The following SMAD6 variants were observed in gnomAD, a reference collection of about 807,000 sequenced individuals.
SMAD6 encodes the protein MAD homolog 6.
In SMAD6, 103 loss-of-function variants were observed where a neutral mutation model predicts 39.4. That is an observed-to-expected ratio of 2.62 (90% CI 2.23 to 3.08). The LOEUF is 3.08. Ranked by LOEUF, SMAD6 falls within the 30% of genes most tolerant of loss-of-function variation. SMAD6 has a pLI of 0.00. For synonymous variants in SMAD6, 445 were observed against 353.3 expected (o/e 1.26, Z -2.91); for missense variants, 1,104 against 742.9 (o/e 1.49, Z -5.65).
Position 66,737,560 on chromosome 15 carries a change from G to C in SMAD6, c.952+21062G>C, listed in dbSNP as rs1031736705. On this transcript the variant is annotated intron_variant, in intron 3 of 3. Coordinates refer to ENST00000288840, the MANE Select transcript of SMAD6 (RefSeq NM_005585.5). ...GAGGAAGGGTTTTGTTGGGTGAGTGGGGTCCCGTCTTTCCTCCTCACCCCA... is the reference window on the plus strand; with the variant it reads ...GAGGAAGGGTTTTGTTGGGTGAGTGCGGTCCCGTCTTTCCTCCTCACCCCA... Among the ~76,000 whole-genome samples, 7 of 152,202 alleles carry C rather than the reference G, an allele frequency of 4.6e-5. No individual in the cohort carries two copies. The South Asian group carries it at 1.0e-3, about 23-fold the overall frequency.
At chr15:66,743,298 CA>C (rs759494957) in intron 3 of SMAD6, among the ~76,000 whole-genome samples, 31 of 152,144 alleles carry the variant, frequency 2.0e-4, no homozygotes, top group Non-Finnish European at 3.8e-4. Flanking sequence ...GCCAGTCTCA[CA>C]AGGCTGACTC....
chr15:66,703,842 T>TG lies in SMAD6; in HGVS notation c.586dup (p.Glu196GlyfsTer107). ...TCGCTGGACACGCTGCTGGAGGCGG[T>TG]GGAGTCCCGCGGCGGCGTGCCGGGC... On this transcript the variant is annotated frameshift_variant, in exon 1 of 4. Transcript: ENST00000288840. LOFTEE classifies it high-confidence loss of function. The TG allele has an allele frequency of 7.2e-7, 1 of 1,383,684 alleles. No individual in the cohort carries two copies. Among genetic ancestry groups the TG allele is most frequent in the Non-Finnish European group, 9.5e-7 (1 of 1,056,922 alleles). 85.7% of individuals were successfully genotyped at this position (1,383,684 alleles called of 1,614,324 possible).
Position 66,704,087 on chromosome 15 carries a change from G to T in SMAD6, c.817+12G>T. The T allele has an allele frequency of 6.9e-7, 1 of 1,455,304 alleles. No individual in the cohort carries two copies. Among genetic ancestry groups the T allele is most frequent in the Non-Finnish European group, 9.0e-7 (1 of 1,110,788 alleles). 90.1% of individuals were successfully genotyped at this position (1,455,304 alleles called of 1,614,324 possible). On this transcript the variant is annotated intron_variant, in intron 1 of 3. Transcript: ENST00000288840. ...GCTCTGCGGGCCCGGTGAGCGCGCT[G>T]CGCCGGCCGGGGGGGCCCCGGGTCC...
Position 66,716,437 on chromosome 15 carries a change from A to G in SMAD6, c.891A>G (p.Thr297=), listed in dbSNP as rs759799681. 9.9e-6 allele frequency: 16 copies of G among 1,613,232 alleles called. No homozygotes were observed. The highest frequency in any genetic ancestry group is 6.7e-5 in the African/African-American group (5 of 74,900). Residue 297 remains threonine (T), a synonymous_variant, in exon 3 of 4, where the codon ACA becomes ACG. Coordinates refer to ENST00000288840, the MANE Select transcript of SMAD6 (RefSeq NM_005585.5). ...EYKPLDLSDS[T]LSYTETEATN... ...CTCCCACAGATCTGTCCGATTCCAC[A>G]TTGTCTTACACTGAAACGGAGGCTA...
chr15:66,744,970 A>T (rs1274692473), intron 3 of SMAD6, among the ~76,000 whole-genome samples: 1 of 152,148 alleles, frequency 6.6e-6, no homozygotes, highest in Non-Finnish European at 1.5e-5. Flanking sequence ...GCCTGTGGTC[A>T]AGATGGGGAC....
At chr15:66,716,866 T>C (rs1293371483) in intron 3 of SMAD6, 1 of 624,364 alleles carries the variant, frequency 1.6e-6, no homozygotes, top group African/African-American at 1.9e-5. Context: ...ACATTTGTCT[T>C]CCTCCTGTCC....
At chr15:66,773,506 T>G (rs1298765020) in intron 3 of SMAD6, among the ~76,000 whole-genome samples, 1 of 152,188 alleles carries the variant, frequency 6.6e-6, no homozygotes, top group Non-Finnish European at 1.5e-5. Context: ...AAGTGGAAAC[T>G]CCTTTTTCCC....
In SMAD6 at chr15:66,716,444, TAC is replaced by T. The variant is rs1567096439; in HGVS notation, c.901_902del (p.Thr301Ter). On this transcript the variant is annotated frameshift_variant, in exon 3 of 4. Transcript: ENST00000288840. LOFTEE classifies it high-confidence loss of function. ...AGATCTGTCCGATTCCACATTGTCT[TAC>T]ACTGAAACGGAGGCTACCAACTCCC... ...PLDLSDSTLS[Y>X]TETEATNSLI... is the part of the protein sequence containing the mutation. 6.2e-7 allele frequency: 1 copy of T among 1,613,852 alleles called. No individual in the cohort carries two copies. The highest frequency in any genetic ancestry group is 8.5e-7 in the Non-Finnish European group (1 of 1,179,658).
intron 1 of SMAD6, 97 bp downstream of exon 1, chr15:66,704,172 G>T: frequency 1.9e-6 from 2 of 1,037,418 alleles, no homozygotes; most frequent in Non-Finnish European, 2.5e-6. Flanking sequence ...CGCAGCTGCG[G>T]GTGCTCCCCC....
Position 66,703,527 on chromosome 15 carries a change from C to G in SMAD6, c.269C>G (p.Pro90Arg), listed in dbSNP as rs1448623139. The change falls in exon 1 of 4, where the codon CCG becomes CGG. Residue 90 changes from proline (P) to arginine (R), a missense_variant. Transcript: ENST00000288840. ...AGGCGCCGGCGCGCAGGGGGCCCCC[C>G]GAGGCCCATGTCGGAGCCAGGGGCC... ...AGRRRRAGGP[P>R]RPMSEPGAGA... 1.1e-5 allele frequency: 13 copies of G among 1,221,910 alleles called. No homozygotes were observed. The highest frequency in any genetic ancestry group is 1.3e-5 in the Non-Finnish European group (13 of 979,326). The allele number at this position is 1,221,910 out of a possible 1,614,324, so 75.7% of individuals were successfully genotyped here.
chr15:66,764,104 G>A (rs934967221), intron 3 of SMAD6, among the ~76,000 whole-genome samples: 2 of 152,206 alleles, frequency 1.3e-5, no homozygotes, highest in Non-Finnish European at 2.9e-5. Flanking sequence ...TAAGAAACCA[G>A]GTTTTGTGAT....
intron 1 of SMAD6, chr15:66,707,986 C>T (rs528317586): frequency 6.6e-6 from 1 of 152,288 alleles, no homozygotes; most frequent in Admixed American, 6.5e-5. Context: ...CTAAGTACCC[C>T]CTGGGGGCTA....
chr15:66,709,233 C>T (rs1893180745), intron 1 of SMAD6, among the ~76,000 whole-genome samples: 1 of 152,220 alleles, frequency 6.6e-6, no homozygotes, highest in South Asian at 2.1e-4. Flanking sequence ...TGTGTGCATA[C>T]TATTTTGCCA....
chr15:66,766,255 A>G (rs1894286316), intron 3 of SMAD6, among the ~76,000 whole-genome samples: 1 of 152,286 alleles, frequency 6.6e-6, no homozygotes, highest in East Asian at 1.9e-4. Flanking sequence ...GCAAGTCACA[A>G]CCGTGGGAGA....
intron 2 of SMAD6, 77 bp from the exon 3 acceptor site, chr15:66,716,344 A>G: frequency 9.9e-7 from 1 of 1,013,368 alleles, no homozygotes; most frequent in Non-Finnish European, 1.6e-6. Context: ...GCACATGTAC[A>G]GAGATGCATG....
intron 3 of SMAD6, among the ~76,000 whole-genome samples, chr15:66,760,192 C>T (rs1310278961): frequency 1.3e-5 from 2 of 151,598 alleles, no homozygotes; most frequent in Non-Finnish European, 2.9e-5. Flanking sequence ...CCTTGCCTCA[C>T]TGCCCCTCAT....
At chr15:66,779,362 G>T (rs1027351751) in intron 3 of SMAD6, among the ~76,000 whole-genome samples, 1 of 152,206 alleles carries the variant, frequency 6.6e-6, no homozygotes, top group African/African-American at 2.4e-5. Context: ...AATGATCCAA[G>T]CTGCGGGCTG....
intron 3 of SMAD6, chr15:66,740,546 G>A (rs988936474): frequency 1.3e-5 from 2 of 152,172 alleles, no homozygotes; most frequent in South Asian, 4.2e-4. Context: ...CTGAGTCTTG[G>A]TGTTTCTTCT....
intron 3 of SMAD6, among the ~76,000 whole-genome samples, 171 bp downstream of exon 3, chr15:66,716,669 G>A (rs933390881): frequency 5.9e-5 from 9 of 152,198 alleles, no homozygotes; most frequent in African/African-American, 2.2e-4. Flanking sequence ...TGTTTTTGGG[G>A]TTAAGAACAG....
Sources: gnomAD v4.1 joint callset for allele counts (sites outside exome capture counted in the v4.1 genomes callset) on GRCh38, gnomAD v4.1.1 for gene constraint, MANE v1.5 for transcripts, NCBI Gene and HGNC (gene_info 2026-07-23, HGNC 2026-07-21) for gene names.